The following SCN4A variants were observed in gnomAD, a reference collection of about 807,000 sequenced individuals.
SCN4A encodes the protein sodium channel protein type 4 subunit alpha.
In SCN4A, 83 loss-of-function variants were observed where a neutral mutation model predicts 162.0. The ratio of observed to expected loss-of-function variants is 0.51; its 90% CI spans 0.43 to 0.61. The LOEUF (loss-of-function observed/expected upper bound fraction) is 0.61, where lower values mean the gene tolerates loss of function less well. SCN4A is among the 20% of genes least tolerant of loss of function. The pLI is 0.00. For synonymous variants in SCN4A, 944 were observed against 985.1 expected (o/e 0.96, Z 0.78); for missense variants, 2,196 against 2,462.5 (o/e 0.89, Z 2.29).
At chr17:63,968,849 GTATT>G (rs1469906048) in intron 5 of SCN4A, among the ~76,000 whole-genome samples, 3 of 152,178 alleles carry the variant, frequency 2.0e-5, no homozygotes, top group Non-Finnish European at 2.9e-5. Flanking sequence ...TTGTATTTAT[GTATT>G]TATTTAGAGA....
At chr17:63,965,721 T>G (rs1408672735) in intron 8 of SCN4A, among the ~76,000 whole-genome samples, 1 of 152,164 alleles carries the variant, frequency 6.6e-6, no homozygotes, top group African/African-American at 2.4e-5. Flanking sequence ...ACTCCTGACC[T>G]CGTGATCCGC....
At chr17:63,971,626 C>T in intron 4 of SCN4A, 96 bp downstream of exon 4, 6 of 1,139,430 alleles carry the variant, frequency 5.3e-6, no homozygotes, top group Admixed American at 4.2e-5. Flanking sequence ...GACCGATGTC[C>T]CCTGCAGCCC....
intron 15 of SCN4A, among the ~76,000 whole-genome samples, 191 bp from the exon 16 acceptor site, chr17:63,948,956 T>C (rs1908818420): frequency 6.6e-6 from 1 of 152,140 alleles, no homozygotes; most frequent in Non-Finnish European, 1.5e-5. Flanking sequence ...CCTTCACAGC[T>C]GGATCCAACA....
chr17:63,958,395 T>C (rs1909139320), intron 12 of SCN4A, among the ~76,000 whole-genome samples: 1 of 152,044 alleles, frequency 6.6e-6, no homozygotes, highest in Non-Finnish European at 1.5e-5. Flanking sequence ...AGTGAAATTA[T>C]ATGTTGGGAT....
At position 63,953,707 on chromosome 17, in the gene SCN4A, AAAAG is replaced by A. The variant is rs763429702; in HGVS notation, c.2377-1811_2377-1808del. On this transcript the variant is annotated intron_variant, in intron 13 of 23. Transcript: ENST00000435607. Reference sequence around the variant, plus strand: ...GAAGAAAAAAAAAAAAAGAAAAAGAAAAAGAAAGAAAGAAAGAAAGTTATACAAG... The same window carrying A: ...GAAGAAAAAAAAAAAAAGAAAAAGAAAAAGAAAGAAAGAAAGTTATACAAG... Among the ~76,000 whole-genome samples, 1,081 of 152,050 alleles carry A rather than the reference AAAAG, an allele frequency of 7.1e-3. 6 individuals carry two copies. Among genetic ancestry groups the A allele is most frequent in the Non-Finnish European group, 0.01 (698 of 67,980 alleles).
At chr17:63,955,572 G>A (rs1909049070) in intron 13 of SCN4A, among the ~76,000 whole-genome samples, 1 of 152,114 alleles carries the variant, frequency 6.6e-6, no homozygotes, top group Non-Finnish European at 1.5e-5. Context: ...GTGGCAAAGT[G>A]GGGATTTAAA....
intron 11 of SCN4A, among the ~76,000 whole-genome samples, chr17:63,959,957 C>G (rs1197266055): frequency 6.6e-6 from 1 of 152,214 alleles, no homozygotes; most frequent in African/African-American, 2.4e-5. Flanking sequence ...TGCCTACAGC[C>G]TCTCCACAGG....
rs1908664658 is a variant in SCN4A at position 63,944,945 on chromosome 17, T to G, written c.3774+62A>C. On this transcript the variant is annotated intron_variant, in intron 20 of 23. Coordinates refer to ENST00000435607, the MANE Select transcript of SCN4A (RefSeq NM_000334.4). This position sits in a 1 kb window ranked among gnomAD's most constrained non-coding sequence, Gnocchi z 4.3. Reference sequence around the variant, plus strand: ...GACAGAACGTGCTGCCAAGTCTCCCTCCTGTCTTGAGTCCTCTTCCCTGGC... The same window carrying G: ...GACAGAACGTGCTGCCAAGTCTCCCGCCTGTCTTGAGTCCTCTTCCCTGGC... 6.3e-6 allele frequency: 10 copies of G among 1,597,632 alleles called. No homozygotes were observed. The highest frequency in any genetic ancestry group is 1.3e-5 in the African/African-American group (1 of 74,502).
intron 8 of SCN4A, 26 bp downstream of exon 8, chr17:63,966,075 TG>T: frequency 3.3e-6 from 4 of 1,210,736 alleles, no homozygotes; most frequent in Non-Finnish European, 4.3e-6. Context: ...GCTGTAGGGT[TG>T]GGGGGCAGGG....
Position 63,951,423 on chromosome 17 carries a change from C to A in SCN4A, c.2853+1G>T. On this transcript the variant is annotated splice_donor_variant, in intron 14 of 23. Coordinates refer to ENST00000435607, the MANE Select transcript of SCN4A (RefSeq NM_000334.4). LOFTEE classifies it high-confidence loss of function. This position sits in a 1 kb window ranked among gnomAD's most constrained non-coding sequence, Gnocchi z 4.5. ...CTGTCTGAGCCCCAGCCCCGGCTCA[C>A]CTTGCTATCCTCAGGCTCTGAGAAA... 2 of 1,587,422 alleles carry A rather than the reference C, an allele frequency of 1.3e-6. No homozygotes were observed. The highest frequency in any genetic ancestry group is 1.7e-6 in the Non-Finnish European group (2 of 1,162,206).
At chr17:63,970,916 G>A (rs1909590432) in intron 5 of SCN4A, among the ~76,000 whole-genome samples, 1 of 152,188 alleles carries the variant, frequency 6.6e-6, no homozygotes, top group Non-Finnish European at 1.5e-5. Flanking sequence ...TTATAGGCGT[G>A]AGCCACCATG....
chr17:63,944,961 C>A lies in SCN4A; in HGVS notation c.3774+46G>T. ...AAGTCTCCCTCCTGTCTTGAGTCCT[C>A]TTCCCTGGCTCGCTCACCAGCCACA... is the stretch of plus-strand genomic sequence containing the variant. On this transcript the variant is annotated intron_variant, in intron 20 of 23. Transcript: ENST00000435607. The surrounding 1 kb of genome is among the most constrained non-coding windows in gnomAD (Gnocchi z 4.3). 4 of 1,606,946 alleles carry A rather than the reference C, an allele frequency of 2.5e-6. No individual in the cohort carries two copies. The highest frequency in any genetic ancestry group is 3.4e-6 in the Non-Finnish European group (4 of 1,174,674).
Position 63,961,170 on chromosome 17 carries a change from TCCCCTCCCCCG to T in SCN4A, c.1845+12_1845+22del. On this transcript the variant is annotated intron_variant, in intron 11 of 23. Coordinates refer to ENST00000435607, the MANE Select transcript of SCN4A (RefSeq NM_000334.4). The stretch of plus-strand genomic sequence containing the variant: ...CCCCTCCCATCCTGCCCATGAATGA[TCCCCTCCCCCG>T]CCCCTCCCTACCAGGTTGCCCACAG... 9.8e-7 allele frequency: 1 copy of T among 1,016,000 alleles called. No individual in the cohort carries two copies. The highest frequency in any genetic ancestry group is 1.5e-6 in the Non-Finnish European group (1 of 675,986). 62.9% of individuals were successfully genotyped at this position (1,016,000 alleles called of 1,614,324 possible).
chr17:63,965,280 G>C (rs1231041767), intron 8 of SCN4A, among the ~76,000 whole-genome samples: 1 of 152,140 alleles, frequency 6.6e-6, no homozygotes, highest in Admixed American at 6.5e-5. Context: ...CTGACCTCAA[G>C]TGATCTGCCT....
At chr17:63,947,233 C>T (rs188987021) in intron 17 of SCN4A, 66 bp from the exon 18 acceptor site, 31 of 1,596,510 alleles carry the variant, frequency 1.9e-5, no homozygotes, top group Middle Eastern at 2.0e-4. Flanking sequence ...GCCCAGGCCA[C>T]GGGGGTCTTC....
chr17:63,966,271 A>C, intron 7 of SCN4A, 28 bp from the exon 8 acceptor site: 1 of 1,528,580 alleles, frequency 6.5e-7, no homozygotes, highest in Non-Finnish European at 9.0e-7. Context: ...GGCTGGGTTT[A>C]GGGTGGGAGG....
rs1287863349 is a variant in SCN4A at position 63,947,083 on chromosome 17, G to A, written c.3403C>T (p.Arg1135Cys). ...AATCGGGACAGTGCCCTCAGGGGAC[G>A]CAGGGCCCGCAGTGTCCGCAGGGAT... ...IKSLRTLRAL[R>C]PLRALSRFEG... Residue 1135 changes from arginine (R) to cysteine (C), a missense_variant, in exon 18 of 24, where the codon CGT (arginine) becomes TGT (cysteine). By Grantham distance (180) the Arg-to-Cys change is radical. Transcript: ENST00000435607. 18 of 1,500,156 alleles carry A rather than the reference G, an allele frequency of 1.2e-5. No individual in the cohort carries two copies. The highest frequency in any genetic ancestry group is 1.8e-4 in the Middle Eastern group (1 of 5,450). The allele number at this position is 1,500,156 out of a possible 1,614,324, so 92.9% of individuals were successfully genotyped here. A position where few individuals can be genotyped will look rare whatever the true frequency, so the allele number is the denominator to read the frequency against.
Position 63,972,874 on chromosome 17 carries a change from G to A in SCN4A, c.-33C>T, listed in dbSNP as rs575313119. The A allele has an allele frequency of 1.3e-3, 2,058 of 1,577,398 alleles. 33 individuals are homozygous for A. In the South Asian group the frequency reaches 0.023, roughly 17 times the overall value. ...TCCTGGGCTCAGAGACCAGAAGGGT[G>A]GTGGGTGGCCTGGGGAGCTGCAGTG... On this transcript the variant is annotated 5_prime_UTR_variant, in exon 1 of 24. Transcript: ENST00000435607. This position sits in a 1 kb window ranked among gnomAD's most constrained non-coding sequence, Gnocchi z 4.3.
At position 63,944,711 on chromosome 17, in the gene SCN4A, CA is replaced by C; in HGVS notation, c.3873del (p.Ile1291MetfsTer15). 6.2e-7 allele frequency: 1 copy of C among 1,611,834 alleles called. No homozygotes were observed. Among genetic ancestry groups the C allele is most frequent in the Non-Finnish European group, 8.5e-7 (1 of 1,179,002 alleles). On this transcript the variant is annotated frameshift_variant, in exon 21 of 24. Coordinates refer to ENST00000435607, the MANE Select transcript of SCN4A (RefSeq NM_000334.4). LOFTEE classifies it high-confidence loss of function. The surrounding 1 kb of genome is among the most constrained non-coding windows in gnomAD (Gnocchi z 4.3). ...FGSFFTLNLF[I>X]GVIIDNFNQQ... ...TGGTTGAAGTTGTCAATGATGACGC[CA>C]ATGAAGAGGTTGAGGGTGAAGAAGG...
Sources: gnomAD v4.1 joint callset for allele counts (sites outside exome capture counted in the v4.1 genomes callset) on GRCh38, gnomAD v4.1.1 for gene constraint, Gnocchi (gnomAD v3.1) non-coding constraint, MANE v1.5 for transcripts, NCBI Gene and HGNC (gene_info 2026-07-23, HGNC 2026-07-21) for gene names.